SLC2A9: variants seen among roughly 807,000 people sequenced by gnomAD.
SLC2A9 encodes solute carrier family 2 member 9.
In SLC2A9, 39 loss-of-function variants were observed where a neutral mutation model predicts 50.6. That is an observed-to-expected ratio of 0.77 (90% CI 0.60 to 1.01). The LOEUF is 1.01. SLC2A9 is among the 50% of genes least tolerant of loss of function. The pLI, the probability that SLC2A9 is intolerant of heterozygous loss-of-function variation, is 0.00. For synonymous variants in SLC2A9, 324 were observed against 276.9 expected, an observed-to-expected ratio of 1.17 and a Z score of -1.69; for missense variants, 686 against 677.6, an observed-to-expected ratio of 1.01 and a Z score of -0.14.
intron 10 of SLC2A9, among the ~76,000 whole-genome samples, chr4:9,877,014 A>C (rs1180030975): frequency 2.0e-5 from 3 of 152,210 alleles, no homozygotes; most frequent in South Asian, 2.1e-4. Flanking sequence ...TAGTTATTTT[A>C]ATGTGCATAT....
At chr4:9,824,078 T>C (rs1487024666), downstream of SLC2A9, among the ~76,000 whole-genome samples, 1 of 152,154 alleles carries the variant, frequency 6.6e-6, no homozygotes, top group Non-Finnish European at 1.5e-5. Context: ...TAAAAGGTAG[T>C]TGGGTCATGA....
rs115301551 is a variant in SLC2A9 at position 10,010,882 on chromosome 4, C to T, written c.249+8093G>A. The stretch of plus-strand genomic sequence containing the variant: ...ACACATTCATTATCTCAACTTTGGT[C>T]CTTTTTTCTTGGCGACTTTTCTTAA... On this transcript the variant is annotated intron_variant, in intron 2 of 11. Coordinates refer to ENST00000264784, the MANE Select transcript of SLC2A9 (RefSeq NM_020041.3). 4.0e-3 allele frequency among the ~76,000 whole-genome samples: 605 copies of T among 152,310 alleles called. 1 individual carries two copies. Among genetic ancestry groups the T allele is most frequent in the African/African-American group, 0.014 (578 of 41,562 alleles).
At chr4:9,951,520 C>A (rs930893028) in intron 5 of SLC2A9, among the ~76,000 whole-genome samples, 20 of 152,144 alleles carry the variant, frequency 1.3e-4, no homozygotes, top group African/African-American at 4.6e-4. Flanking sequence ...TTCACACATA[C>A]CCCATAAATT....
chr4:9,963,144 G>A (rs1172058802), intron 5 of SLC2A9, among the ~76,000 whole-genome samples: 1 of 152,188 alleles, frequency 6.6e-6, no homozygotes, highest in Non-Finnish European at 1.5e-5. Context: ...TGTTGCAATG[G>A]TGGCAGGCAA....
intron 10 of SLC2A9, among the ~76,000 whole-genome samples, chr4:9,845,990 G>T (rs1728928930): frequency 1.3e-5 from 2 of 152,194 alleles, no homozygotes; most frequent in South Asian, 4.1e-4. Flanking sequence ...CAAGTCCTGT[G>T]CTAGGCAATT....
chr4:9,946,944 T>C (rs904075017), intron 5 of SLC2A9, among the ~76,000 whole-genome samples: 31 of 152,182 alleles, frequency 2.0e-4, no homozygotes, highest in Admixed American at 1.5e-3. Context: ...ATCAACTGAA[T>C]TGAATGGATT....
chr4:9,795,615 T>G (rs1720501213), downstream of SLC2A9, among the ~76,000 whole-genome samples: 1 of 152,230 alleles, frequency 6.6e-6, no homozygotes, highest in Non-Finnish European at 1.5e-5. Context: ...AAAGCATTTT[T>G]GTGATGGCTG....
intron 10 of SLC2A9, chr4:9,879,374 ATGTGTGTATGTGTG>A (rs1560228220): frequency 1.0e-6 from 1 of 976,070 alleles, no homozygotes; most frequent in African/African-American, 1.8e-5. Flanking sequence ...GTGTGTATTT[ATGTGTGTATGTGTG>A]TGTGTGTGTG....
chr4:10,023,049 C>T (rs958949418), upstream of SLC2A9, among the ~76,000 whole-genome samples: 1 of 152,178 alleles, frequency 6.6e-6, no homozygotes, highest in African/African-American at 2.4e-5. Flanking sequence ...TGTGCAAATC[C>T]TTAATTATAA....
At chr4:9,989,287 G>T (rs1322290868) in intron 3 of SLC2A9, among the ~76,000 whole-genome samples, 1 of 152,130 alleles carries the variant, frequency 6.6e-6, no homozygotes, top group Non-Finnish European at 1.5e-5. Context: ...TGGCTGTGTT[G>T]TCCTTTCTCA....
chr4:10,030,910 G>A (rs1763923580), intron 1 of SLC2A9, among the ~76,000 whole-genome samples: 1 of 152,116 alleles, frequency 6.6e-6, no homozygotes, highest in South Asian at 2.1e-4. Context: ...CCTGGAAACT[G>A]GGGCTTAGGG....
chr4:9,903,986 TTA>T (rs1162086799), intron 8 of SLC2A9, among the ~76,000 whole-genome samples: 1 of 148,592 alleles, frequency 6.7e-6, no homozygotes, highest in Non-Finnish European at 1.5e-5. Context: ...ATTATGCATA[TTA>T]TATATATAAC....
At chr4:10,027,897 T>C (rs911473974) in intron 1 of SLC2A9, among the ~76,000 whole-genome samples, 15 of 152,206 alleles carry the variant, frequency 9.9e-5, no homozygotes, top group African/African-American at 3.6e-4. Context: ...GGTTGATTAA[T>C]AACTATAGTT....
intron 10 of SLC2A9, among the ~76,000 whole-genome samples, chr4:9,849,478 G>T (rs1294831294): frequency 3.3e-5 from 5 of 152,176 alleles, no homozygotes; most frequent in African/African-American, 1.2e-4. Context: ...ATGTAAAGTG[G>T]TTCTTCCTCT....
chr4:9,795,185 G>A (rs1378695601), downstream of SLC2A9, among the ~76,000 whole-genome samples: 3 of 151,736 alleles, frequency 2.0e-5, no homozygotes, highest in Non-Finnish European at 2.9e-5. Flanking sequence ...TAGCATTTTT[G>A]TATTTTTAGT....
downstream of SLC2A9, among the ~76,000 whole-genome samples, chr4:9,778,053 TTTCCTTCCTTCCTTCCTTCC>T (rs1163039690): frequency 7.1e-5 from 1 of 14,052 alleles, no homozygotes; most frequent in Non-Finnish European, 2.1e-4. Flanking sequence ...TCTTTCTTTC[TTTCCTTCCTTCCTTCCTTCC>T]TTCCTTCCTT....
intron 10 of SLC2A9, among the ~76,000 whole-genome samples, chr4:9,850,270 C>T (rs535183921): frequency 1.6e-4 from 25 of 152,276 alleles, no homozygotes; most frequent in South Asian, 8.3e-4. Context: ...ACACTTGAGA[C>T]GACAGGGAGA....
intron 3 of SLC2A9, among the ~76,000 whole-genome samples, chr4:9,820,766 A>G (rs1012152851): frequency 6.6e-6 from 1 of 152,254 alleles, no homozygotes; most frequent in Non-Finnish European, 1.5e-5. Flanking sequence ...AGAGAAATAC[A>G]ATGAATATTT....
At chr4:9,828,253 T>G (rs1034900692) in intron 11 of SLC2A9, among the ~76,000 whole-genome samples, 2 of 152,244 alleles carry the variant, frequency 1.3e-5, no homozygotes, top group African/African-American at 4.8e-5. Context: ...TCTGAGGGTT[T>G]GTCATCACTT....
Sources: gnomAD v4.1 joint callset for allele counts (sites outside exome capture counted in the v4.1 genomes callset) on GRCh38, gnomAD v4.1.1 for gene constraint, MANE v1.5 for transcripts, NCBI Gene and HGNC (gene_info 2026-07-23, HGNC 2026-07-21) for gene names.